Variants in NLGN4X observed in about 807,000 individuals in gnomAD.
NLGN4X encodes neuroligin 4 X-linked, also known as neuroligin-4, X-linked.
Under a neutral mutation model 40.3 loss-of-function variants are expected in NLGN4X, and 3 were observed. The ratio of observed to expected loss-of-function variants is 0.07; its 90% CI spans 0.03 to 0.19. NLGN4X has a LOEUF of 0.19. Among genes scored for constraint, NLGN4X ranks in the 10% least tolerant of loss-of-function variants. The pLI, the probability that NLGN4X is intolerant of heterozygous loss-of-function variation, is 1.00. For missense variants in NLGN4X, 382 were observed against 708.3 expected (o/e 0.54, Z 5.23); for synonymous variants, 270 against 306.8 (o/e 0.88, Z 1.25).
intron 3 of NLGN4X, among the ~76,000 whole-genome samples, chrX:5,911,373 A>G: frequency 8.9e-6 from 1 of 112,045 alleles, no homozygotes; most frequent in Non-Finnish European, 1.9e-5. Context: ...CCTCCCTAGC[A>G]AAATCAGAGT....
chrX:6,086,072 T>C (rs747225699), intron 2 of NLGN4X, among the ~76,000 whole-genome samples: 2 of 112,179 alleles, frequency 1.8e-5, no homozygotes, highest in South Asian at 7.4e-4. Context: ...TTATAAGTGT[T>C]GCTATTTGGA....
intron 2 of NLGN4X, among the ~76,000 whole-genome samples, chrX:6,120,928 G>A (rs1289348974): frequency 1.8e-5 from 2 of 111,691 alleles, no homozygotes; most frequent in African/African-American, 6.5e-5. Flanking sequence ...TGACCCTGCA[G>A]GCATCTTCTA....
At chrX:5,976,738 G>A (rs2035188821) in intron 3 of NLGN4X, among the ~76,000 whole-genome samples, 1 of 112,694 alleles carries the variant, frequency 8.9e-6, no homozygotes, top group African/African-American at 3.2e-5. Context: ...CTACAATTAA[G>A]CCTCCGTTAT....
chrX:6,128,655 T>C lies in NLGN4X; in HGVS notation c.472+22340A>G, dbSNP rs145989526. On this transcript the variant is annotated intron_variant, in intron 2 of 5. Transcript: ENST00000381095. ...ACATAAATATGGGAACACTCCACAC[T>C]AGGGACTACTAGAAGGGGAGGAAGA... is the stretch of plus-strand genomic sequence containing the variant. Among the ~76,000 whole-genome samples the C allele has an allele frequency of 2.5e-4, 28 of 111,348 alleles. No homozygotes were observed. The East Asian group carries it at 8.0e-3, about 32-fold the overall frequency.
intron 3 of NLGN4X, among the ~76,000 whole-genome samples, chrX:5,958,723 GTTTA>G (rs1326238140): frequency 8.9e-6 from 1 of 111,742 alleles, no homozygotes; most frequent in Non-Finnish European, 1.9e-5. Flanking sequence ...CTGAGTCATG[GTTTA>G]TTTAAGATTT....
intron 5 of NLGN4X, among the ~76,000 whole-genome samples, chrX:5,899,124 G>C (rs1392100831): frequency 8.9e-6 from 1 of 112,369 alleles, no homozygotes; most frequent in Non-Finnish European, 1.9e-5. Flanking sequence ...TTTCACATGA[G>C]ATGTAAGTTC....
chrX:6,060,884 T>C (rs1228766235), intron 2 of NLGN4X, among the ~76,000 whole-genome samples: 1 of 111,886 alleles, frequency 8.9e-6, no homozygotes, highest in Non-Finnish European at 1.9e-5. Context: ...TCCTCAGAAT[T>C]GTCTTCCTCT....
At chrX:6,064,912 A>G (rs772232949) in intron 2 of NLGN4X, among the ~76,000 whole-genome samples, 31 of 111,511 alleles carry the variant, frequency 2.8e-4, no homozygotes, top group Admixed American at 6.7e-4. Flanking sequence ...TGTAATATAC[A>G]TCATGGAATA....
At chrX:6,168,921 T>C (rs1392400864) in intron 1 of NLGN4X, among the ~76,000 whole-genome samples, 1 of 111,678 alleles carries the variant, frequency 9.0e-6, no homozygotes, top group Non-Finnish European at 1.9e-5. Flanking sequence ...AGTAATACAC[T>C]AGAGAACATT....
chrX:5,995,318 C>T (rs1265721241), intron 3 of NLGN4X, among the ~76,000 whole-genome samples: 1 of 112,649 alleles, frequency 8.9e-6, no homozygotes, highest in Non-Finnish European at 1.9e-5. Context: ...CAGGGAGAAG[C>T]GAAGTTGATG....
intron 3 of NLGN4X, among the ~76,000 whole-genome samples, chrX:5,923,815 G>A (rs1225897868): frequency 1.8e-5 from 2 of 111,529 alleles, no homozygotes; most frequent in Non-Finnish European, 3.8e-5. Flanking sequence ...GTGTTCATAT[G>A]TTGAGTTACC....
In NLGN4X at chrX:6,152,982, C is replaced by T. The variant is rs773148515; in HGVS notation, c.-305-1211G>A. The stretch of plus-strand genomic sequence containing the variant: ...CCTACATAAGTCGCTGCTCCTGTGA[C>T]AATAAAAGAATGCTGTGCAGGAATG... On this transcript the variant is annotated intron_variant, in intron 1 of 5. Transcript: ENST00000381095. Among the ~76,000 whole-genome samples, 13 of 112,299 alleles carry T rather than the reference C, an allele frequency of 1.2e-4. No homozygotes were observed. In the East Asian group the frequency reaches 3.7e-3, roughly 32 times the overall value.
intron 3 of NLGN4X, among the ~76,000 whole-genome samples, chrX:5,914,753 C>A (rs2032697935): frequency 1.8e-5 from 2 of 111,278 alleles, no homozygotes; most frequent in Admixed American, 9.6e-5. Flanking sequence ...AATAAAAATT[C>A]TTCAGTGAGA....
At position 6,138,904 on chromosome X, in the gene NLGN4X, A is replaced by C. The variant is rs1484626540; in HGVS notation, c.472+12091T>G. Among the ~76,000 whole-genome samples, 3 of 111,204 alleles carry C rather than the reference A, an allele frequency of 2.7e-5. No individual in the cohort carries two copies. The Admixed American group carries it at 2.9e-4, about 11-fold the overall frequency. ...TCCCCTCTTATAAAGCAAAACAAAA[A>C]AAAAAGTATAAAATGCAAAGATCCC... On this transcript the variant is annotated intron_variant, in intron 2 of 5. Transcript: ENST00000381095.
At chrX:5,920,875 T>C (rs1016320735) in intron 3 of NLGN4X, among the ~76,000 whole-genome samples, 11 of 110,722 alleles carry the variant, frequency 9.9e-5, no homozygotes, top group Non-Finnish European at 1.1e-4. Flanking sequence ...CCTCTCCCTA[T>C]GACATTGAAC....
chrX:5,892,667 C>T lies in NLGN4X; in HGVS notation c.*150G>A. On this transcript the variant is annotated 3_prime_UTR_variant, in exon 6 of 6. Coordinates refer to ENST00000381095, the MANE Select transcript of NLGN4X (RefSeq NM_181332.3). ...AGGGTCTGCCGGGATGGGATGACTGCCTTTTTGCATTTTTGTCTTAAGTCA... is the reference window on the plus strand; with the variant it reads ...AGGGTCTGCCGGGATGGGATGACTGTCTTTTTGCATTTTTGTCTTAAGTCA... The T allele has an allele frequency of 1.3e-6, 1 of 789,084 alleles. No homozygotes were observed. The highest frequency in any genetic ancestry group is 2.8e-5 in the Admixed American group (1 of 35,920). The allele number at this position is 789,084 out of a possible 1,213,427, so 65.0% of individuals were successfully genotyped here.
chrX:6,180,097 T>C (rs1921263773), intron 1 of NLGN4X, among the ~76,000 whole-genome samples: 1 of 112,098 alleles, frequency 8.9e-6, no homozygotes, highest in Non-Finnish European at 1.9e-5. Flanking sequence ...ATTGGTTCAA[T>C]TGGAAAGGCT....
intron 2 of NLGN4X, among the ~76,000 whole-genome samples, chrX:6,058,169 C>G (rs889000860): frequency 1.8e-5 from 2 of 111,146 alleles, no homozygotes; most frequent in African/African-American, 6.5e-5. Flanking sequence ...CATGCACACA[C>G]ACACACACAT....
intron 3 of NLGN4X, among the ~76,000 whole-genome samples, chrX:6,009,066 A>AGT (rs80266407): frequency 0.33 from 35,344 of 107,851 alleles, 4,682 homozygotes; most frequent in East Asian, 0.58. Flanking sequence ...CCATTTCAGC[A>AGT]GTGTGTGTGT....
Sources: gnomAD v4.1 joint callset for allele counts (sites outside exome capture counted in the v4.1 genomes callset) on GRCh38, gnomAD v4.1.1 for gene constraint, MANE v1.5 for transcripts, NCBI Gene and HGNC (gene_info 2026-07-23, HGNC 2026-07-21) for gene names.